The following TPTE variants were observed in gnomAD, a reference collection of about 807,000 sequenced individuals.
The protein encoded by TPTE is putative tyrosine-protein phosphatase TPTE.
A neutral mutation model predicts 84.1 loss-of-function variants in TPTE; 59 were observed. That is an observed-to-expected ratio of 0.70 (90% CI 0.57 to 0.87). The LOEUF (loss-of-function observed/expected upper bound fraction) is 0.87, where lower values mean the gene tolerates loss of function less well. TPTE is among the 40% of genes least tolerant of loss of function. The pLI, the probability that TPTE is intolerant of heterozygous loss-of-function variation, is 0.00. For synonymous variants in TPTE, 130 were observed against 223.5 expected, an observed-to-expected ratio of 0.58 and a Z score of 3.73; for missense variants, 382 against 659.6, an observed-to-expected ratio of 0.58 and a Z score of 4.61.
At chr21:10,589,321 C>T (rs1216644159) in intron 17 of TPTE, among the ~76,000 whole-genome samples, 1 of 152,412 alleles carries the variant, frequency 6.6e-6, no homozygotes, top group East Asian at 1.9e-4. Context: ...TGTGGTTTGA[C>T]CTATGAGCCA....
At chr21:10,521,856 C>T (rs1343618566) in intron 1 of TPTE, among the ~76,000 whole-genome samples, 162 bp downstream of exon 1, 1 of 152,258 alleles carries the variant, frequency 6.6e-6, no homozygotes, top group African/African-American at 2.4e-5. Context: ...GGTGCGGGCG[C>T]GGAATCCGGG....
chr21:10,544,631 G>A (rs1231822835), intron 7 of TPTE, among the ~76,000 whole-genome samples: 5 of 152,302 alleles, frequency 3.3e-5, no homozygotes, highest in South Asian at 2.1e-4. Flanking sequence ...TGATCCACCC[G>A]CCTCAGCCTC....
intron 7 of TPTE, among the ~76,000 whole-genome samples, chr21:10,550,369 GATA>G (rs2074550142): frequency 6.6e-6 from 1 of 152,310 alleles, no homozygotes; most frequent in Non-Finnish European, 1.5e-5. Context: ...CACATAGACT[GATA>G]ATAAAGGGAT....
chr21:10,559,942 A>T (rs2074762780), intron 9 of TPTE, among the ~76,000 whole-genome samples: 1 of 152,224 alleles, frequency 6.6e-6, no homozygotes, highest in African/African-American at 2.4e-5. Context: ...ACATATATAT[A>T]TATGAGACTT....
At chr21:10,562,622 A>G (rs965521137) in intron 10 of TPTE, among the ~76,000 whole-genome samples, 1 of 152,308 alleles carries the variant, frequency 6.6e-6, no homozygotes, top group East Asian at 1.9e-4. Flanking sequence ...TGTAATTGGC[A>G]TGCCGAAGAA....
intron 3 of TPTE, among the ~76,000 whole-genome samples, chr21:10,530,364 A>G (rs1257706360): frequency 1.6e-4 from 24 of 152,412 alleles, no homozygotes; most frequent in African/African-American, 5.3e-4. Flanking sequence ...AATATGTTTA[A>G]TACACAGTAT....
chr21:10,596,553 C>T (rs2075592842), intron 20 of TPTE, among the ~76,000 whole-genome samples: 1 of 152,308 alleles, frequency 6.6e-6, no homozygotes, highest in African/African-American at 2.4e-5. Context: ...CCTGGGCTCT[C>T]CCTTTCCCCT....
At position 10,561,092 on chromosome 21, in the gene TPTE, C is replaced by A. The variant is rs1333264546; in HGVS notation, c.347C>A (p.Thr116Asn). 6.2e-7 allele frequency: 1 copy of A among 1,612,002 alleles called. No individual in the cohort carries two copies. Among genetic ancestry groups the A allele is most frequent in the African/African-American group, 1.3e-5 (1 of 74,894 alleles). The change falls in exon 10 of 24, where the codon ACT (threonine) becomes AAT (asparagine). Residue 116 changes from threonine (T) to asparagine (N), a missense_variant. Thr to Asn is a moderately conservative substitution (Grantham distance 65). Around this residue, in one of 10 missense-constraint regions of TPTE, gnomAD observed 85 missense variants for 230.9 expected, o/e 0.37. Transcript: ENST00000618007. ...CTCATCCTTGCCGACCTAATTTTCA[C>A]TGACAGCAAACTTTATATTCCTTTG... is the stretch of plus-strand genomic sequence containing the variant. ...VTLILADLIF[T>N]DSKLYIPLEY... is the part of the protein sequence containing the mutation.
intron 17 of TPTE, among the ~76,000 whole-genome samples, chr21:10,582,721 T>C (rs2075292300): frequency 6.6e-6 from 1 of 152,224 alleles, no homozygotes; most frequent in Non-Finnish European, 1.5e-5. Flanking sequence ...ATTTTTATTG[T>C]GATGAATTAT....
chr21:10,540,535 G>C (rs1458052487), intron 4 of TPTE, among the ~76,000 whole-genome samples: 1 of 152,310 alleles, frequency 6.6e-6, no homozygotes, highest in African/African-American at 2.4e-5. Flanking sequence ...GAAGGAGATA[G>C]GAGTGGACAA....
intron 7 of TPTE, among the ~76,000 whole-genome samples, chr21:10,548,389 G>A (rs944697431): frequency 6.6e-6 from 1 of 152,310 alleles, no homozygotes; most frequent in Admixed American, 6.5e-5. Context: ...AGCCATGAAT[G>A]CCCATGTCCT....
intron 3 of TPTE, among the ~76,000 whole-genome samples, chr21:10,535,390 G>A (rs1302224069): frequency 1.3e-5 from 2 of 152,296 alleles, no homozygotes; most frequent in Non-Finnish European, 2.9e-5. Context: ...AGAAAGAGAA[G>A]TTGATATTTG....
chr21:10,542,074 GCTGA>G (rs1382132599), intron 5 of TPTE, among the ~76,000 whole-genome samples: 1 of 152,310 alleles, frequency 6.6e-6, no homozygotes, highest in Non-Finnish European at 1.5e-5. Flanking sequence ...GAATAAGAGG[GCTGA>G]CTACCTACAA....
In TPTE at chr21:10,540,260, C is replaced by T. The variant is rs1336190695; in HGVS notation, c.12-852C>T. 3.9e-5 allele frequency among the ~76,000 whole-genome samples: 6 copies of T among 152,298 alleles called. No individual in the cohort carries two copies. In the East Asian group the frequency reaches 1.2e-3, roughly 29 times the overall value. On this transcript the variant is annotated intron_variant, in intron 4 of 23. Coordinates refer to ENST00000618007, the MANE Select transcript of TPTE (RefSeq NM_199261.4). ...ATACAAACACATACATACATGCATT[C>T]GTACACACAAGAGAGACTGAGTAGG...
intron 22 of TPTE, among the ~76,000 whole-genome samples, chr21:10,602,378 T>C: frequency 6.6e-6 from 1 of 152,308 alleles, no homozygotes; most frequent in South Asian, 2.1e-4. Context: ...TTACATGTAT[T>C]CTCAAATACA....
chr21:10,564,387 G>T (rs1407959493), intron 10 of TPTE, among the ~76,000 whole-genome samples: 1 of 152,302 alleles, frequency 6.6e-6, no homozygotes, highest in Admixed American at 6.5e-5. Context: ...CCGGGCACCT[G>T]TAATTTCAGC....
At position 10,590,475 on chromosome 21, in the gene TPTE, T is replaced by A. The variant is rs1340875198; in HGVS notation, c.1041T>A (p.Thr347=). ...TTTCTTTTCTAGATAGAACAGGAACTATGGTTTGTGCCTTCCTTATTGCCT... is the reference window on the plus strand; with the variant it reads ...TTTCTTTTCTAGATAGAACAGGAACAATGGTTTGTGCCTTCCTTATTGCCT... ...HCKGGTDRTG[T]MVCAFLIASE... Residue 347 remains threonine (T), a synonymous_variant, in exon 18 of 24, where the codon ACT becomes ACA. Coordinates refer to ENST00000618007, the MANE Select transcript of TPTE (RefSeq NM_199261.4). 4 of 1,614,014 alleles carry A rather than the reference T, an allele frequency of 2.5e-6. No homozygotes were observed. Among genetic ancestry groups the A allele is most frequent in the African/African-American group, 1.3e-5 (1 of 74,964 alleles).
chr21:10,587,970 T>C (rs1347566588), intron 17 of TPTE, among the ~76,000 whole-genome samples: 8 of 152,398 alleles, frequency 5.2e-5, no homozygotes, highest in East Asian at 1.9e-4. Context: ...TGCCTCAGCC[T>C]TCTGAGTCAC....
chr21:10,575,506 C>G (rs2075132111), intron 14 of TPTE, among the ~76,000 whole-genome samples: 1 of 152,312 alleles, frequency 6.6e-6, no homozygotes, highest in Non-Finnish European at 1.5e-5. Flanking sequence ...CTGCTCTACC[C>G]CAAAGCAGCC....
Sources: allele counts gnomAD v4.1 joint callset (sites outside exome capture counted in the v4.1 genomes callset), GRCh38; gene constraint gnomAD v4.1.1; regional missense constraint gnomAD v4.1.1; transcripts MANE v1.5; gene names NCBI Gene and HGNC (gene_info 2026-07-23, HGNC 2026-07-21).